The following C5AR1 variants were observed in gnomAD, a reference collection of about 807,000 sequenced individuals.
C5AR1 encodes the protein C5a anaphylatoxin chemotactic receptor 1.
C5AR1 carries 4 observed loss-of-function variants against 2.4 expected under a neutral mutation model. That is an observed-to-expected ratio of 1.65 (90% CI 0.81 to 3.77). The LOEUF (loss-of-function observed/expected upper bound fraction) is 3.77. C5AR1 is among the 30% of genes most tolerant of loss of function. The probability of loss-of-function intolerance (pLI) is 0.01; values close to 1 mark genes in which losing one functional copy is unlikely to be tolerated. For synonymous variants in C5AR1, 209 were observed against 210.4 expected (o/e 0.99, Z 0.06); for missense variants, 418 against 462.5 (o/e 0.90, Z 0.88).
upstream of C5AR1, chr19:47,309,811 C>T (rs192858378): frequency 9.7e-6 from 14 of 1,444,876 alleles, no homozygotes; most frequent in East Asian, 2.8e-4. Context: ...TCATTTCCTC[C>T]CTGCATCTTC....
chr19:47,314,213 C>G (rs1036732567), intron 1 of C5AR1, among the ~76,000 whole-genome samples: 3 of 152,062 alleles, frequency 2.0e-5, no homozygotes, highest in Admixed American at 2.0e-4. Context: ...GCCCTTTGTG[C>G]TATTGTCACA....
At chr19:47,314,479 C>T (rs2059279861) in intron 1 of C5AR1, among the ~76,000 whole-genome samples, 1 of 152,126 alleles carries the variant, frequency 6.6e-6, no homozygotes, top group Non-Finnish European at 1.5e-5. Flanking sequence ...CTCACTGTAG[C>T]CTCCACCTCC....
Position 47,320,239 on chromosome 19 carries a change from G to C in C5AR1, c.462G>C (p.Trp154Cys). 6.2e-7 allele frequency: 1 copy of C among 1,614,026 alleles called. No individual in the cohort carries two copies. The highest frequency in any genetic ancestry group is 8.5e-7 in the Non-Finnish European group (1 of 1,180,026). ...CQNFRGAGLAWIACAVAWGLA... is the reference protein window; with the variant it reads ...CQNFRGAGLACIACAVAWGLA... ...ACTTCCGAGGGGCTGGCTTGGCCTG[G>C]ATCGCCTGTGCCGTGGCTTGGGGTT... is the stretch of plus-strand genomic sequence containing the variant. Residue 154 changes from tryptophan to cysteine, a missense_variant, in exon 2 of 2, where the codon TGG (tryptophan) becomes TGC (cysteine). By Grantham distance (215) the Trp-to-Cys change is radical. Transcript: ENST00000355085. The surrounding 1 kb of genome is among the most constrained non-coding windows in gnomAD (Gnocchi z 4.9).
At chr19:47,309,798 C>A, upstream of C5AR1, 3 of 1,324,704 alleles carry the variant, frequency 2.3e-6, no homozygotes, top group South Asian at 1.2e-5. Flanking sequence ...GAGAGAAAGA[C>A]GGTCATTTCC....
intron 1 of C5AR1, among the ~76,000 whole-genome samples, chr19:47,317,343 A>T (rs1323381061): frequency 6.6e-6 from 1 of 151,426 alleles, no homozygotes; most frequent in African/African-American, 2.4e-5. Flanking sequence ...CCTCCTCTTT[A>T]AAAAAACATT....
chr19:47,319,161 G>A (rs2059299647), intron 1 of C5AR1, among the ~76,000 whole-genome samples: 2 of 151,846 alleles, frequency 1.3e-5, no homozygotes, highest in African/African-American at 4.8e-5. Flanking sequence ...TGGATTACAG[G>A]TGTGAGCCAC....
chr19:47,317,806 C>T (rs1304253122), intron 1 of C5AR1, among the ~76,000 whole-genome samples: 1 of 151,770 alleles, frequency 6.6e-6, no homozygotes, highest in Non-Finnish European at 1.5e-5. Flanking sequence ...CATGGTGGAA[C>T]CCTGTCTCTA....
upstream of C5AR1, chr19:47,307,550 G>C (rs189564732): frequency 6.6e-6 from 1 of 152,214 alleles, no homozygotes; most frequent in Admixed American, 6.6e-5. Context: ...GTTTTGCCAT[G>C]TTGGCCAGGC....
In C5AR1 at chr19:47,320,702, G is replaced by A. The variant is rs762163791; in HGVS notation, c.925G>A (p.Gly309Ser). 6.2e-7 allele frequency: 1 copy of A among 1,614,104 alleles called. No homozygotes were observed. The highest frequency in any genetic ancestry group is 1.1e-5 in the South Asian group (1 of 91,076). ...CGTGGTGGCCGGCCAGGGCTTCCAG[G>A]GCCGACTGCGGAAATCCCTCCCCAG... ...IYVVAGQGFQGRLRKSLPSLL... is the reference protein window; with the variant it reads ...IYVVAGQGFQSRLRKSLPSLL... Residue 309 changes from glycine to serine, a missense_variant, in exon 2 of 2, where the codon GGC (glycine) becomes AGC (serine). Transcript: ENST00000355085. This position sits in a 1 kb window ranked among gnomAD's most constrained non-coding sequence, Gnocchi z 4.9.
chr19:47,320,945 TC>T lies in C5AR1; in HGVS notation c.*117del. The T allele has an allele frequency of 1.2e-6, 1 of 862,510 alleles. No homozygotes were observed. The highest frequency in any genetic ancestry group is 1.7e-6 in the Non-Finnish European group (1 of 571,754). The allele number at this position is 862,510 out of a possible 1,614,324, so 53.4% of individuals were successfully genotyped here. A position where few individuals can be genotyped will look rare whatever the true frequency, so the allele number is the denominator to read the frequency against. On this transcript the variant is annotated 3_prime_UTR_variant, in exon 2 of 2. Coordinates refer to ENST00000355085, the MANE Select transcript of C5AR1 (RefSeq NM_001736.4). The surrounding 1 kb of genome is among the most constrained non-coding windows in gnomAD (Gnocchi z 4.9). ...TGTTACCTTAGCTAACTAACTCTCC[TC>T]CATGTTGCCTGTCTTTCCCAGACTT...
intron 1 of C5AR1, among the ~76,000 whole-genome samples, chr19:47,315,226 T>G (rs952610404): frequency 1.3e-5 from 2 of 152,178 alleles, no homozygotes; most frequent in African/African-American, 2.4e-5. Context: ...TTCTGTTGCC[T>G]GGATGTACCA....
intron 1 of C5AR1, among the ~76,000 whole-genome samples, chr19:47,312,566 A>G (rs890428497): frequency 2.0e-5 from 3 of 152,240 alleles, no homozygotes; most frequent in Admixed American, 2.0e-4. Flanking sequence ...TGTTTTGTAC[A>G]GTACTCTACA....
intron 1 of C5AR1, among the ~76,000 whole-genome samples, chr19:47,310,987 C>A (rs2059267890): frequency 6.6e-6 from 1 of 152,184 alleles, no homozygotes; most frequent in African/African-American, 2.4e-5. Context: ...GGCACTGAGC[C>A]AGCAGAGCTG....
At chr19:47,311,390 G>A (rs2059270012) in intron 1 of C5AR1, among the ~76,000 whole-genome samples, 1 of 151,768 alleles carries the variant, frequency 6.6e-6, no homozygotes, top group Non-Finnish European at 1.5e-5. Context: ...GGCGCCTGTA[G>A]TCCCAGCACT....
chr19:47,315,436 C>A (rs79471478), intron 1 of C5AR1, among the ~76,000 whole-genome samples: 6,193 of 152,196 alleles, frequency 0.041, 171 homozygotes, highest in Non-Finnish European at 0.059. Context: ...AGGAACGGAG[C>A]TTTGTCAGCT....
chr19:47,318,783 C>G (rs1004748178), intron 1 of C5AR1, among the ~76,000 whole-genome samples: 1 of 152,012 alleles, frequency 6.6e-6, no homozygotes, highest in Admixed American at 6.6e-5. Flanking sequence ...AAGGCTTTCT[C>G]CAGTCCAGCT....
chr19:47,310,252 A>G (rs529497565), intron 1 of C5AR1, among the ~76,000 whole-genome samples: 1 of 152,222 alleles, frequency 6.6e-6, no homozygotes, highest in South Asian at 2.1e-4. Context: ...CACACCTGTG[A>G]TCCCAGCACA....
Position 47,319,901 on chromosome 19 carries a change from G to A in C5AR1, c.124G>A (p.Val42Ile). 1.9e-6 allele frequency: 3 copies of A among 1,614,242 alleles called. No individual in the cohort carries two copies. Among genetic ancestry groups the A allele is most frequent in the Non-Finnish European group, 2.5e-6 (3 of 1,180,058 alleles). ...GCGTGTTCCAGACATCCTGGCCTTG[G>A]TCATCTTTGCAGTCGTCTTCCTGGT... ...TLRVPDILAL[V>I]IFAVVFLVGV... The change falls in exon 2 of 2, where the codon GTC becomes ATC. Residue 42 changes from valine to isoleucine, a missense_variant. By Grantham distance (29) the Val-to-Ile change is conservative. Transcript: ENST00000355085.
chr19:47,309,843 A>G (rs986324289), upstream of C5AR1: 6 of 1,604,712 alleles, frequency 3.7e-6, no homozygotes, highest in African/African-American at 8.1e-5. Context: ...TAAAAACCAC[A>G]GCCCTTGGGC....
Sources: gnomAD v4.1 joint callset for allele counts (sites outside exome capture counted in the v4.1 genomes callset) on GRCh38, gnomAD v4.1.1 for gene constraint, Gnocchi (gnomAD v3.1) non-coding constraint, MANE v1.5 for transcripts, NCBI Gene and HGNC (gene_info 2026-07-23, HGNC 2026-07-21) for gene names.